RIMS2: variants seen among roughly 807,000 people sequenced by gnomAD.
RIMS2 encodes the protein regulating synaptic membrane exocytosis protein 2.
In RIMS2, 59 loss-of-function variants were observed where a neutral mutation model predicts 174.4. The observed-to-expected ratio is 0.34, with a 90% CI of 0.27 to 0.42. RIMS2 has a LOEUF of 0.42. Among genes scored for constraint, RIMS2 ranks in the 10% least tolerant of loss-of-function variants. RIMS2 has a pLI of 1.00. For synonymous variants in RIMS2, 606 were observed against 572.5 expected (o/e 1.06, Z -0.84); for missense variants, 1,620 against 1,666.3 (o/e 0.97, Z 0.48).
intron 1 of RIMS2, among the ~76,000 whole-genome samples, chr8:103,603,715 T>C (rs1192477484): frequency 7.1e-6 from 1 of 140,040 alleles, no homozygotes; most frequent in Admixed American, 7.3e-5. Flanking sequence ...TGGTATCTCA[T>C]TGTGGTTTTG....
chr8:104,152,102 A>G (rs958374270), intron 19 of RIMS2, among the ~76,000 whole-genome samples: 1 of 152,186 alleles, frequency 6.6e-6, no homozygotes, highest in African/African-American at 2.4e-5. Context: ...ATACATTGAG[A>G]TTCTGTAACA....
At chr8:103,992,404 G>T (rs2094783048) in intron 17 of RIMS2, among the ~76,000 whole-genome samples, 1 of 151,384 alleles carries the variant, frequency 6.6e-6, no homozygotes, top group African/African-American at 2.4e-5. Flanking sequence ...GGGATTACAG[G>T]CATGAGCCAC....
At chr8:104,012,438 A>T (rs2095794245) in intron 17 of RIMS2, among the ~76,000 whole-genome samples, 3 of 151,886 alleles carry the variant, frequency 2.0e-5, no homozygotes, top group African/African-American at 7.2e-5. Context: ...ATGTCATTGA[A>T]ACATTAGCTT....
intron 1 of RIMS2, among the ~76,000 whole-genome samples, chr8:103,590,232 A>G (rs767592044): frequency 6.6e-6 from 1 of 151,450 alleles, no homozygotes; most frequent in Admixed American, 6.6e-5. Flanking sequence ...CAAAAATTAA[A>G]AACAAAAACA....
chr8:103,647,695 C>A (rs1254624479), intron 1 of RIMS2, among the ~76,000 whole-genome samples: 1 of 151,910 alleles, frequency 6.6e-6, no homozygotes, highest in Non-Finnish European at 1.5e-5. Flanking sequence ...TATATATTTT[C>A]TAGTTTATGT....
At chr8:103,866,265 T>A (rs2154505246) in intron 3 of RIMS2, among the ~76,000 whole-genome samples, 1 of 152,284 alleles carries the variant, frequency 6.6e-6, no homozygotes, top group East Asian at 1.9e-4. Flanking sequence ...CTGATTCTAC[T>A]TCCTTTTATA....
chr8:104,081,185 C>G (rs1446413651), intron 19 of RIMS2, among the ~76,000 whole-genome samples: 1 of 151,922 alleles, frequency 6.6e-6, no homozygotes, highest in Non-Finnish European at 1.5e-5. Context: ...GGAATGCTTA[C>G]AAACAAGGCC....
chr8:104,106,991 G>GA (rs1020029877), intron 19 of RIMS2, among the ~76,000 whole-genome samples: 2 of 151,236 alleles, frequency 1.3e-5, no homozygotes, highest in Admixed American at 6.6e-5. Context: ...TCTCCATACA[G>GA]AAAAAATGGA....
At chr8:103,957,811 T>G (rs1261885606) in intron 14 of RIMS2, among the ~76,000 whole-genome samples, 1 of 151,966 alleles carries the variant, frequency 6.6e-6, no homozygotes, top group Non-Finnish European at 1.5e-5. Context: ...AAGCTCAATA[T>G]CACTAATCAT....
In RIMS2 at chr8:103,961,141, T is replaced by G. The variant is rs777078473; in HGVS notation, c.2770+8T>G. 2.4e-6 allele frequency: 3 copies of G among 1,240,558 alleles called. No individual in the cohort carries two copies. The highest frequency in any genetic ancestry group is 3.6e-6 in the Non-Finnish European group (3 of 841,662). 76.8% of individuals were successfully genotyped at this position (1,240,558 alleles called of 1,614,324 possible). On this transcript the variant is annotated splice_region_variant and intron_variant, in intron 15 of 23. Coordinates refer to ENST00000504942, the Ensembl canonical transcript of RIMS2. ...GAATTGGTGTAGTATCAGGTAAGAA[T>G]TTTAGAATTATTTTATAGTATTAAA...
chr8:104,109,197 C>G (rs1014828386), intron 19 of RIMS2, among the ~76,000 whole-genome samples: 1 of 148,746 alleles, frequency 6.7e-6, no homozygotes, highest in South Asian at 2.1e-4. Flanking sequence ...CTCCGGAGGC[C>G]GAGGCAGGAG....
At chr8:104,081,866 G>A (rs981203018) in intron 19 of RIMS2, among the ~76,000 whole-genome samples, 1 of 151,840 alleles carries the variant, frequency 6.6e-6, no homozygotes, top group African/African-American at 2.4e-5. Flanking sequence ...TTCAGTACCG[G>A]GTAACTTTCC....
chr8:104,001,400 T>C (rs922088569), intron 17 of RIMS2, among the ~76,000 whole-genome samples: 4 of 151,990 alleles, frequency 2.6e-5, no homozygotes, highest in Non-Finnish European at 4.4e-5. Flanking sequence ...ATATTAGCTT[T>C]CATTCCAATT....
chr8:103,532,185 T>C (rs1187253761), intron 1 of RIMS2, among the ~76,000 whole-genome samples: 1 of 152,222 alleles, frequency 6.6e-6, no homozygotes, highest in Non-Finnish European at 1.5e-5. Context: ...TATGATCTTC[T>C]TTTCCATTCA....
At position 103,892,615 on chromosome 8, in the gene RIMS2, A is replaced by G. The variant is rs2099253513; in HGVS notation, c.1624+6392A>G. ...CGGTAAAATAATCTTATGCTAAATAATTATTCCAATTTTAATGTGAGTCTT... is the reference window on the plus strand; with the variant it reads ...CGGTAAAATAATCTTATGCTAAATAGTTATTCCAATTTTAATGTGAGTCTT... On this transcript the variant is annotated intron_variant, in intron 4 of 23. Transcript: ENST00000504942. Among the ~76,000 whole-genome samples, 4 of 152,244 alleles carry G rather than the reference A, an allele frequency of 2.6e-5. No individual in the cohort carries two copies. In the South Asian group the frequency reaches 8.3e-4, roughly 32 times the overall value.
chr8:103,693,214 A>G (rs1454672370), intron 1 of RIMS2, among the ~76,000 whole-genome samples: 3 of 152,150 alleles, frequency 2.0e-5, no homozygotes, highest in African/African-American at 4.8e-5. Flanking sequence ...CCCTTCCATA[A>G]GTTCACAGAT....
At chr8:103,874,782 C>A (rs939918024) in intron 3 of RIMS2, among the ~76,000 whole-genome samples, 2 of 151,980 alleles carry the variant, frequency 1.3e-5, no homozygotes, top group African/African-American at 4.8e-5. Flanking sequence ...TAGTTGATAT[C>A]CCTCTTTTAA....
intron 3 of RIMS2, among the ~76,000 whole-genome samples, chr8:103,787,833 G>A (rs2098458163): frequency 6.6e-6 from 1 of 152,150 alleles, no homozygotes; most frequent in African/African-American, 2.4e-5. Context: ...GCTAGATCGG[G>A]GAAGTTCTCC....
intron 1 of RIMS2, among the ~76,000 whole-genome samples, chr8:103,529,697 A>G (rs1225015863): frequency 2.6e-5 from 4 of 152,148 alleles, no homozygotes; most frequent in African/African-American, 4.8e-5. Context: ...AAATCCAGAA[A>G]TCACCCATCT....
Sources: gnomAD v4.1 joint callset for allele counts (sites outside exome capture counted in the v4.1 genomes callset) on GRCh38, gnomAD v4.1.1 for gene constraint, MANE v1.5 for transcripts, NCBI Gene and HGNC (gene_info 2026-07-23, HGNC 2026-07-21) for gene names.